UGT1A10: variants seen among roughly 807,000 people sequenced by gnomAD.
UGT1A10 encodes the protein UDP-glucuronosyltransferase 1A10.
UGT1A10 carries 49 observed loss-of-function variants against 45.8 expected under a neutral mutation model. The ratio of observed to expected loss-of-function variants is 1.07; its 90% CI spans 0.85 to 1.36. UGT1A10 has a LOEUF of 1.36. UGT1A10 is among the 40% of genes most tolerant of loss of function. The probability of loss-of-function intolerance (pLI) is 0.00; values close to 1 mark genes in which losing one functional copy is unlikely to be tolerated. For missense variants in UGT1A10, 745 were observed against 668.6 expected (o/e 1.11, Z -1.26); for synonymous variants, 284 against 249.7 (o/e 1.14, Z -1.29).
intron 1 of UGT1A10, chr2:233,647,950 T>C: frequency 6.2e-7 from 1 of 1,606,728 alleles, no homozygotes; most frequent in South Asian, 1.1e-5. Context: ...GAGCCACTGG[T>C]TCACCATGTG....
chr2:233,653,449 G>A (rs1007659189), intron 1 of UGT1A10, among the ~76,000 whole-genome samples: 6 of 152,128 alleles, frequency 3.9e-5, no homozygotes, highest in African/African-American at 1.2e-4. Flanking sequence ...TACTGTGGTT[G>A]GTAATCTTGT....
chr2:233,743,990 C>T (rs541433916), intron 1 of UGT1A10: 26 of 1,267,206 alleles, frequency 2.1e-5, no homozygotes, highest in Admixed American at 2.4e-5. Context: ...GGCGCAGGCC[C>T]GAGTGCTCGG....
chr2:233,702,895 A>C (rs2075712942), intron 1 of UGT1A10, among the ~76,000 whole-genome samples: 1 of 152,172 alleles, frequency 6.6e-6, no homozygotes, highest in Non-Finnish European at 1.5e-5. Flanking sequence ...TCATATCCAT[A>C]AGAGATATTG....
chr2:233,689,458 A>T (rs933476239), intron 1 of UGT1A10, among the ~76,000 whole-genome samples: 2 of 152,272 alleles, frequency 1.3e-5, no homozygotes, highest in Non-Finnish European at 2.9e-5. Flanking sequence ...GATACATTTT[A>T]GGAAAACAGA....
At chr2:233,731,784 G>A (rs186887277) in intron 1 of UGT1A10, among the ~76,000 whole-genome samples, 133 of 152,162 alleles carry the variant, frequency 8.7e-4, no homozygotes, top group Non-Finnish European at 1.4e-3. Flanking sequence ...ATTTATAATC[G>A]TTTGGGTATA....
intron 1 of UGT1A10, among the ~76,000 whole-genome samples, chr2:233,665,322 A>G (rs186773223): frequency 1.6e-3 from 246 of 152,320 alleles, no homozygotes; most frequent in South Asian, 8.3e-3. Context: ...GCACATTAGT[A>G]TGTAAACACT....
chr2:233,728,954 G>A (rs2077771414), intron 1 of UGT1A10, among the ~76,000 whole-genome samples: 1 of 150,840 alleles, frequency 6.6e-6, no homozygotes, highest in Admixed American at 6.6e-5. Flanking sequence ...GGGGCCCACA[G>A]TGAAAAACAG....
chr2:233,701,928 A>G (rs1360011790), intron 1 of UGT1A10, among the ~76,000 whole-genome samples: 1 of 152,208 alleles, frequency 6.6e-6, no homozygotes, highest in Non-Finnish European at 1.5e-5. Flanking sequence ...CATCACAATT[A>G]AAAGAACTAG....
intron 1 of UGT1A10, among the ~76,000 whole-genome samples, chr2:233,717,303 C>T (rs1470939533): frequency 6.6e-6 from 1 of 152,168 alleles, no homozygotes; most frequent in East Asian, 1.9e-4. Context: ...AGCTGAGAAT[C>T]CCTTTCTAGC....
chr2:233,755,316 A>C, intron 1 of UGT1A10: 1 of 530,882 alleles, frequency 1.9e-6, no homozygotes, highest in Admixed American at 3.3e-5. Context: ...GCGAGCGGCA[A>C]GGCTGCCAGC....
In UGT1A10 at chr2:233,693,777, A is replaced by T. The variant is rs112793692; in HGVS notation, c.855+56400A>T. The T allele has an allele frequency of 2.0e-5, 32 of 1,614,100 alleles. No individual in the cohort carries two copies. The East Asian group carries it at 5.3e-4, about 27-fold the overall frequency. ...GTCTCTGTTTGGCTGTTAAGATATGACTTTGTGCTTGAATATCCTAGGCCG... is the reference window on the plus strand; with the variant it reads ...GTCTCTGTTTGGCTGTTAAGATATGTCTTTGTGCTTGAATATCCTAGGCCG... On this transcript the variant is annotated intron_variant, in intron 1 of 4. Coordinates refer to ENST00000344644, the MANE Select transcript of UGT1A10 (RefSeq NM_019075.4).
At chr2:233,744,012 G>A (rs541267003) in intron 1 of UGT1A10, 46 of 1,089,708 alleles carry the variant, frequency 4.2e-5, no homozygotes, top group Non-Finnish European at 4.8e-5. Context: ...GACCTGGGCC[G>A]CCTGGAGAGA....
rs886183040 is a variant in UGT1A10, at chr2:233,769,751, A to C, written c.1295+1312A>C. 1.1e-5 allele frequency: 16 copies of C among 1,422,712 alleles called. No homozygotes were observed. Among genetic ancestry groups the C allele is most frequent in the Non-Finnish European group, 1.5e-5 (16 of 1,085,126 alleles). 88.1% of individuals were successfully genotyped at this position (1,422,712 alleles called of 1,614,324 possible). A position where few individuals can be genotyped will look rare whatever the true frequency, so the allele number is the denominator to read the frequency against. On this transcript the variant is annotated intron_variant, in intron 4 of 4. Transcript: ENST00000344644. This position sits in a 1 kb window ranked among gnomAD's most constrained non-coding sequence, Gnocchi z 4.4. Reference sequence around the variant, plus strand: ...ACGCCTGTAGTCCCAGCCACTCTGGAGGCTAAGGCGGGAGGATTGCTTGAG... The same window carrying C: ...ACGCCTGTAGTCCCAGCCACTCTGGCGGCTAAGGCGGGAGGATTGCTTGAG...
At chr2:233,693,990 T>C (rs553215275) in intron 1 of UGT1A10, 6 of 1,534,128 alleles carry the variant, frequency 3.9e-6, no homozygotes, top group Admixed American at 3.8e-5. Context: ...GGGGAAGTGA[T>C]ACCCGGCTCG....
chr2:233,675,225 C>T (rs1460975367), intron 1 of UGT1A10, among the ~76,000 whole-genome samples: 1 of 152,124 alleles, frequency 6.6e-6, no homozygotes, highest in Admixed American at 6.6e-5. Flanking sequence ...GATCAAATTT[C>T]AACGTGAGAT....
chr2:233,754,737 G>T, intron 1 of UGT1A10: 1 of 665,248 alleles, frequency 1.5e-6, no homozygotes, highest in Non-Finnish European at 2.5e-6. Flanking sequence ...ACTACCGTAG[G>T]ACATGCAGAA....
chr2:233,734,814 T>C (rs1435677424), intron 1 of UGT1A10, among the ~76,000 whole-genome samples: 1 of 152,246 alleles, frequency 6.6e-6, no homozygotes, highest in East Asian at 1.9e-4. Flanking sequence ...TTCCATGTAG[T>C]TGTGCGATTT....
chr2:233,707,891 T>G (rs1264275324), intron 1 of UGT1A10, among the ~76,000 whole-genome samples: 1 of 152,254 alleles, frequency 6.6e-6, no homozygotes, highest in African/African-American at 2.4e-5. Flanking sequence ...GCATTAGTTA[T>G]GTACATGACT....
chr2:233,672,483 C>T, intron 1 of UGT1A10: 2 of 1,613,952 alleles, frequency 1.2e-6, no homozygotes, highest in Non-Finnish European at 1.7e-6. Context: ...GTGCACAGTG[C>T]CCTGCTCCTC....
Sources: allele counts gnomAD v4.1 joint callset (sites outside exome capture counted in the v4.1 genomes callset), GRCh38; gene constraint gnomAD v4.1.1; non-coding constraint Gnocchi (gnomAD v3.1); transcripts MANE v1.5; gene names NCBI Gene and HGNC (gene_info 2026-07-23, HGNC 2026-07-21).